NUP62CL: variants seen among roughly 807,000 people sequenced by gnomAD.
The protein encoded by NUP62CL is nucleoporin 62 C-terminal like, also known as nucleoporin-62 C-terminal-like protein.
A neutral mutation model predicts 15.3 loss-of-function variants in NUP62CL; 13 were observed. That is an observed-to-expected ratio of 0.85 (90% CI 0.55 to 1.35). NUP62CL has a LOEUF of 1.35. Among genes scored for constraint, NUP62CL ranks in the 40% most tolerant of loss-of-function variants. The pLI is 0.00. For synonymous variants in NUP62CL, 54 were observed against 49.2 expected (o/e 1.10, Z -0.41); for missense variants, 123 against 130.6 (o/e 0.94, Z 0.28).
At chrX:107,174,176 G>A (rs1353476969) in intron 3 of NUP62CL, among the ~76,000 whole-genome samples, 11 of 89,180 alleles carry the variant, frequency 1.2e-4, no homozygotes, top group Admixed American at 5.4e-4. Flanking sequence ...TGGTTTGACA[G>A]GGTGTTACTC....
In NUP62CL at chrX:107,154,388, A is replaced by AT. The variant is rs878979399; in HGVS notation, c.195-143dup. On this transcript the variant is annotated intron_variant, in intron 4 of 8. Coordinates refer to ENST00000372466, the MANE Select transcript of NUP62CL (RefSeq NM_017681.3). ...ATACCTGCTTCCCAAGAAAACAAAC[A>AT]TAACTGGTAAAGATGATTAAAAAAA... is the stretch of plus-strand genomic sequence containing the variant. 3.4e-5 allele frequency: 13 copies of AT among 385,752 alleles called. No individual in the cohort carries two copies. In the South Asian group the frequency reaches 7.9e-4, roughly 24 times the overall value. 31.8% of individuals were successfully genotyped at this position (385,752 alleles called of 1,213,427 possible). A position where few individuals can be genotyped will look rare whatever the true frequency, so the allele number is the denominator to read the frequency against.
intron 1 of NUP62CL, among the ~76,000 whole-genome samples, chrX:107,198,444 C>T (rs1350008725): frequency 8.9e-6 from 1 of 111,754 alleles, no homozygotes; most frequent in Non-Finnish European, 1.9e-5. Flanking sequence ...TGTTCTTTCA[C>T]GCTTCACAAT....
At chrX:107,171,548 C>T (rs1184712847) in intron 3 of NUP62CL, among the ~76,000 whole-genome samples, 1 of 111,823 alleles carries the variant, frequency 8.9e-6, no homozygotes, top group African/African-American at 3.3e-5. Flanking sequence ...TGTAAGGGAA[C>T]TCCCTTTTAT....
intron 4 of NUP62CL, among the ~76,000 whole-genome samples, chrX:107,162,205 A>G (rs1926403444): frequency 9.0e-6 from 1 of 111,129 alleles, no homozygotes; most frequent in Non-Finnish European, 1.9e-5. Context: ...AACTTCGCAG[A>G]AACAAATGAA....
chrX:107,145,687 C>T (rs763418171), intron 8 of NUP62CL, among the ~76,000 whole-genome samples: 1 of 111,588 alleles, frequency 9.0e-6, no homozygotes, highest in African/African-American at 3.2e-5. Context: ...ATTTAATATA[C>T]AGTCCATATT....
At chrX:107,163,871 T>C (rs1456187404) in intron 4 of NUP62CL, among the ~76,000 whole-genome samples, 1 of 110,984 alleles carries the variant, frequency 9.0e-6, no homozygotes, top group Admixed American at 9.6e-5. Flanking sequence ...TAAAAACTGA[T>C]AGAGCTAAAG....
intron 3 of NUP62CL, among the ~76,000 whole-genome samples, chrX:107,169,494 G>T (rs1172700953): frequency 8.9e-6 from 1 of 111,923 alleles, no homozygotes; most frequent in African/African-American, 3.2e-5. Context: ...GGCCACAAAG[G>T]TTCTTATGAT....
intron 7 of NUP62CL, among the ~76,000 whole-genome samples, chrX:107,152,390 G>A (rs1453577221): frequency 9.2e-6 from 1 of 108,814 alleles, no homozygotes; most frequent in Non-Finnish European, 1.9e-5. Flanking sequence ...ATTTAGGTTA[G>A]TATAGATTAG....
At chrX:107,205,780 G>T (rs1410159675) in intron 1 of NUP62CL, among the ~76,000 whole-genome samples, 1 of 110,823 alleles carries the variant, frequency 9.0e-6, no homozygotes, top group Non-Finnish European at 1.9e-5. Context: ...AAGACAACCA[G>T]ATTCCCTAGC....
intron 8 of NUP62CL, among the ~76,000 whole-genome samples, chrX:107,134,352 T>C (rs1925589433): frequency 8.9e-6 from 1 of 112,682 alleles, no homozygotes. Flanking sequence ...TTTCCTATAG[T>C]TTAACCTAGC....
chrX:107,165,802 G>A (rs1392691170), intron 4 of NUP62CL, among the ~76,000 whole-genome samples: 1 of 111,455 alleles, frequency 9.0e-6, no homozygotes, highest in Non-Finnish European at 1.9e-5. Context: ...CAATTCAGGG[G>A]GGAAGATAGT....
intron 8 of NUP62CL, among the ~76,000 whole-genome samples, chrX:107,140,865 G>A (rs1323041212): frequency 9.0e-6 from 1 of 111,683 alleles, no homozygotes; most frequent in African/African-American, 3.3e-5. Context: ...TCCATGAGGT[G>A]GCCATTGAGA....
intron 8 of NUP62CL, among the ~76,000 whole-genome samples, chrX:107,140,579 A>AAGGTT (rs1193691029): frequency 2.7e-5 from 3 of 111,925 alleles, no homozygotes; most frequent in Non-Finnish European, 5.6e-5. Flanking sequence ...AAAACTCAAG[A>AAGGTT]AGGTTAAGTT....
rs1926421945 is a variant in NUP62CL at position 107,162,846 on chromosome X, CA to C, written c.194+4802del. ...AGGGGCCTGGGGGAGGATCATCAGG[CA>C]TTAGATTCTCATCAGGAGCGCACAA... On this transcript the variant is annotated intron_variant, in intron 4 of 8. Transcript: ENST00000372466. Among the ~76,000 whole-genome samples, 4 of 111,590 alleles carry C rather than the reference CA, an allele frequency of 3.6e-5. No individual in the cohort carries two copies. The South Asian group carries it at 1.5e-3, about 42-fold the overall frequency.
intron 8 of NUP62CL, among the ~76,000 whole-genome samples, chrX:107,129,198 G>C (rs1162971278): frequency 1.8e-5 from 2 of 112,061 alleles, no homozygotes; most frequent in South Asian, 3.8e-4. Flanking sequence ...ATTTGTATGA[G>C]AGAACCCTAG....
At chrX:107,167,520 C>G (rs891753604) in intron 4 of NUP62CL, 129 bp downstream of exon 4, 8 of 452,257 alleles carry the variant, frequency 1.8e-5, no homozygotes, top group South Asian at 5.4e-5. Context: ...AGAAATCTTT[C>G]TCTTGACTGT....
chrX:107,153,970 C>T (rs765117940), intron 5 of NUP62CL, 126 bp downstream of exon 5: 175 of 654,600 alleles, frequency 2.7e-4, no homozygotes, highest in Middle Eastern at 1.0e-3. Context: ...AAGACCCTGT[C>T]TCAAAAAACA....
chrX:107,162,757 A>T (rs1030306903), intron 4 of NUP62CL, among the ~76,000 whole-genome samples: 2 of 112,070 alleles, frequency 1.8e-5, no homozygotes, highest in Admixed American at 1.9e-4. Context: ...TAAAGCAGCG[A>T]TCCCCAACCC....
intron 4 of NUP62CL, among the ~76,000 whole-genome samples, chrX:107,160,567 T>C (rs1287656422): frequency 1.8e-5 from 2 of 111,412 alleles, no homozygotes; most frequent in African/African-American, 6.6e-5. Context: ...CTGGGAAAAC[T>C]GGCTAGCCAT....
Sources: gnomAD v4.1 joint callset for allele counts (sites outside exome capture counted in the v4.1 genomes callset) on GRCh38, gnomAD v4.1.1 for gene constraint, MANE v1.5 for transcripts, NCBI Gene and HGNC (gene_info 2026-07-23, HGNC 2026-07-21) for gene names.